Variants in PEAK1 observed in about 807,000 individuals in gnomAD.
PEAK1 encodes the protein inactive tyrosine-protein kinase PEAK1.
In PEAK1, 54 loss-of-function variants were observed where a neutral mutation model predicts 124.7. That is an observed-to-expected ratio of 0.43 (90% confidence interval 0.35 to 0.54). The LOEUF is 0.54. Among genes scored for constraint, PEAK1 ranks in the 20% least tolerant of loss-of-function variants. PEAK1 has a pLI of 0.01. For missense variants in PEAK1, 2,046 were observed against 2,134.5 expected, an observed-to-expected ratio of 0.96 and a Z score of 0.82; for synonymous variants, 719 against 760.0, an observed-to-expected ratio of 0.95 and a Z score of 0.89.
At chr15:77,420,300 T>C (rs1190105365), upstream of PEAK1, 1 of 150,536 alleles carries the variant, frequency 6.6e-6, no homozygotes, top group Non-Finnish European at 1.5e-5. Flanking sequence ...GTCTCCCAGG[T>C]CTCCCTCAGC....
intron 6 of PEAK1, among the ~76,000 whole-genome samples, chr15:77,202,677 G>A (rs1037282221): frequency 2.7e-5 from 4 of 149,150 alleles, no homozygotes; most frequent in Non-Finnish European, 6.0e-5. Flanking sequence ...GGCTGAGGCA[G>A]GAGAATGATG....
At chr15:77,184,701 A>G (rs2057451582) in intron 6 of PEAK1, among the ~76,000 whole-genome samples, 1 of 152,212 alleles carries the variant, frequency 6.6e-6, no homozygotes. Context: ...GTTTGAGACT[A>G]GCCTGGCCAA....
chr15:77,412,463 T>C (rs2072492031), intron 1 of PEAK1, among the ~76,000 whole-genome samples: 1 of 152,218 alleles, frequency 6.6e-6, no homozygotes, highest in South Asian at 2.1e-4. Context: ...GAGTGATCCA[T>C]TACTCTTTTC....
At chr15:77,226,055 ATATATATATATATATATAT>A (rs2059642598) in intron 6 of PEAK1, among the ~76,000 whole-genome samples, 1 of 24,596 alleles carries the variant, frequency 4.1e-5, no homozygotes, top group Non-Finnish European at 1.4e-4. Flanking sequence ...ATATATATAT[ATATATATATATATATATAT>A]ATATATATAT....
At chr15:77,334,572 G>GT (rs1455847023) in intron 2 of PEAK1, 1 of 985,126 alleles carries the variant, frequency 1.0e-6, no homozygotes, top group Non-Finnish European at 1.2e-6. Flanking sequence ...CATCAACTCG[G>GT]TTCCTTTCAT....
intron 2 of PEAK1, among the ~76,000 whole-genome samples, chr15:77,311,292 G>C (rs543250552): frequency 6.6e-6 from 1 of 152,280 alleles, no homozygotes; most frequent in South Asian, 2.1e-4. Context: ...TGAATGACCA[G>C]CTCTAAGTCT....
intron 1 of PEAK1, chr15:77,417,758 T>C (rs1260191168): frequency 3.0e-6 from 3 of 985,334 alleles, no homozygotes; most frequent in East Asian, 2.3e-4. Context: ...ATCTCTCTCA[T>C]GAAGCAAATG....
chr15:77,106,740 A>G (rs183895586), downstream of PEAK1: 22 of 152,252 alleles, frequency 1.4e-4, no homozygotes, highest in African/African-American at 5.1e-4. Flanking sequence ...ACTTAATCTA[A>G]ATGGGTCCAA....
chr15:77,214,354 C>T (rs576329582), intron 6 of PEAK1, among the ~76,000 whole-genome samples: 10 of 151,626 alleles, frequency 6.6e-5, no homozygotes, highest in East Asian at 1.9e-4. Context: ...CGGTGGCTCA[C>T]GTCTGTAATC....
At chr15:77,116,313 G>A (rs1028106107) in intron 9 of PEAK1, among the ~76,000 whole-genome samples, 2 of 152,082 alleles carry the variant, frequency 1.3e-5, no homozygotes, top group African/African-American at 4.8e-5. Flanking sequence ...TTAACTGAGG[G>A]TCATTCTCTG....
At chr15:77,255,364 C>T (rs2061078796) in intron 5 of PEAK1, 9 of 983,016 alleles carry the variant, frequency 9.2e-6, no homozygotes, top group Non-Finnish European at 1.1e-5. Flanking sequence ...TTATTCCAAG[C>T]TTCTGCCGGT....
At chr15:77,306,831 T>C (rs1430764283) in intron 2 of PEAK1, among the ~76,000 whole-genome samples, 1 of 152,168 alleles carries the variant, frequency 6.6e-6, no homozygotes, top group African/African-American at 2.4e-5. Flanking sequence ...CAAGTGCTAT[T>C]GCCAACATTA....
At chr15:77,223,715 G>A (rs1276875423) in intron 6 of PEAK1, among the ~76,000 whole-genome samples, 1 of 152,004 alleles carries the variant, frequency 6.6e-6, no homozygotes, top group African/African-American at 2.4e-5. Context: ...TCTGCTAAGT[G>A]ATTGATGATA....
Position 77,311,775 on chromosome 15 carries a change from G to A in PEAK1, c.-602-25271C>T, listed in dbSNP as rs1241198608. ...AGATAAGGTGTGCGTCTGGTGGGGG[G>A]CACTGTGTAATGAGGACAGTGCCAT... On this transcript the variant is annotated intron_variant, in intron 2 of 9. Coordinates refer to ENST00000682557, the MANE Select transcript of PEAK1 (RefSeq NM_001385026.1). 2.0e-5 allele frequency among the ~76,000 whole-genome samples: 3 copies of A among 151,532 alleles called. No individual in the cohort carries two copies. In the East Asian group the frequency reaches 5.8e-4, roughly 29 times the overall value.
chr15:77,418,628 AAAGT>A (rs1369251659), intron 1 of PEAK1: 32 of 985,266 alleles, frequency 3.2e-5, no homozygotes, highest in Non-Finnish European at 3.5e-5. Flanking sequence ...GGCAAGTCAG[AAAGT>A]AATTAGGGTC....
intron 8 of PEAK1, 46 bp downstream of exon 8, chr15:77,158,457 G>C: frequency 6.4e-7 from 1 of 1,558,626 alleles, no homozygotes; most frequent in Non-Finnish European, 8.8e-7. Flanking sequence ...GGCTAGTACA[G>C]AAAAAGGCAA....
intron 6 of PEAK1, 141 bp from the exon 7 acceptor site, chr15:77,182,181 C>T (rs879464378): frequency 3.2e-5 from 23 of 721,016 alleles, no homozygotes; most frequent in Non-Finnish European, 4.3e-5. Flanking sequence ...AATTTGTGTA[C>T]TTTGTAATTT....
At chr15:77,145,546 T>G (rs565443581) in intron 8 of PEAK1, among the ~76,000 whole-genome samples, 1 of 152,284 alleles carries the variant, frequency 6.6e-6, no homozygotes, top group Admixed American at 6.5e-5. Flanking sequence ...CATTACAGTC[T>G]TAGGGTGCTA....
intron 2 of PEAK1, among the ~76,000 whole-genome samples, chr15:77,339,207 C>T (rs754969252): frequency 6.6e-6 from 1 of 151,374 alleles, no homozygotes; most frequent in Non-Finnish European, 1.5e-5. Context: ...ACCTCCTGGG[C>T]TCAGGTGATC....
Sources: gnomAD v4.1 joint callset for allele counts (sites outside exome capture counted in the v4.1 genomes callset) on GRCh38, gnomAD v4.1.1 for gene constraint, MANE v1.5 for transcripts, NCBI Gene and HGNC (gene_info 2026-07-23, HGNC 2026-07-21) for gene names.